Variants in DPH6 observed in about 807,000 individuals in gnomAD.
DPH6 encodes diphthamine biosynthesis 6, also known as diphthine--ammonia ligase.
DPH6 carries 33 observed loss-of-function variants against 38.2 expected under a neutral mutation model. The ratio of observed to expected loss-of-function variants is 0.86; its 90% confidence interval spans 0.65 to 1.15. The LOEUF (loss-of-function observed/expected upper bound fraction) is 1.15. DPH6 is among the 50% of genes most tolerant of loss of function. The pLI, the probability that DPH6 is intolerant of heterozygous loss-of-function variation, is 0.00. For missense variants in DPH6, 325 were observed against 320.0 expected (o/e 1.02, Z -0.12); for synonymous variants, 108 against 103.0 (o/e 1.05, Z -0.30).
the DPH6 span, among the ~76,000 whole-genome samples, chr15:35,189,804 T>A: frequency 6.6e-6 from 1 of 152,244 alleles, no homozygotes; most frequent in African/African-American, 2.4e-5. Flanking sequence ...TGGTTGAGAC[T>A]TAAATATCCT....
the DPH6 span, among the ~76,000 whole-genome samples, chr15:35,180,031 C>T: frequency 2.6e-5 from 4 of 152,276 alleles, no homozygotes; most frequent in Admixed American, 2.6e-4. Flanking sequence ...AAAAGCAAGG[C>T]TCTCTCTGGG....
chr15:35,518,278 A>G (rs1425592539), intron 3 of DPH6, among the ~76,000 whole-genome samples: 1 of 152,060 alleles, frequency 6.6e-6, no homozygotes, highest in East Asian at 1.9e-4. Context: ...GAGGGACTCT[A>G]GGTCCCCATC....
chr15:35,362,972 C>T (rs1186141392), intron 3 of DPH6, among the ~76,000 whole-genome samples: 1 of 152,156 alleles, frequency 6.6e-6, no homozygotes, highest in Admixed American at 6.5e-5. Flanking sequence ...TTTTTTATTA[C>T]TGATTTTTAG....
chr15:35,224,105 T>TTG (rs1168519837), intron 3 of DPH6, among the ~76,000 whole-genome samples: 51 of 129,114 alleles, frequency 4.0e-4, no homozygotes, highest in Non-Finnish European at 6.6e-4. Context: ...TTTTAGTTTT[T>TTG]TTTTTTTTTT....
intron 3 of DPH6, chr15:35,237,284 T>G: frequency 6.5e-7 from 1 of 1,535,868 alleles, no homozygotes; most frequent in African/African-American, 1.4e-5. Context: ...TGTTATTGAT[T>G]GAATTCCAGC....
At chr15:35,239,591 C>G (rs2051582597) in intron 3 of DPH6, among the ~76,000 whole-genome samples, 1 of 142,376 alleles carries the variant, frequency 7.0e-6, no homozygotes, top group Non-Finnish European at 1.5e-5. Context: ...CTCTGCCTTT[C>G]CTGGGGCGGG....
At chr15:35,415,632 T>C (rs1265444226) in intron 5 of DPH6, among the ~76,000 whole-genome samples, 10 of 151,986 alleles carry the variant, frequency 6.6e-5, no homozygotes, top group South Asian at 6.2e-4. Flanking sequence ...TAAAACACAC[T>C]GGGCACACTT....
At chr15:35,319,488 C>A (rs1220324350) in intron 3 of DPH6, among the ~76,000 whole-genome samples, 4 of 152,092 alleles carry the variant, frequency 2.6e-5, no homozygotes, top group Non-Finnish European at 5.9e-5. Context: ...TGCCTGTAAT[C>A]CCAGCACTTC....
intron 3 of DPH6, among the ~76,000 whole-genome samples, chr15:35,477,589 C>G (rs143163608): frequency 6.8e-4 from 104 of 151,906 alleles, no homozygotes; most frequent in African/African-American, 2.4e-3. Context: ...TAAAAACCTA[C>G]AGTACCCAGT....
At chr15:35,382,394 C>T (rs2052882192) in intron 6 of DPH6, among the ~76,000 whole-genome samples, 1 of 151,910 alleles carries the variant, frequency 6.6e-6, no homozygotes, top group African/African-American at 2.4e-5. Context: ...TGCAGTGAGC[C>T]GAGATCAGCC....
intron 3 of DPH6, among the ~76,000 whole-genome samples, chr15:35,360,771 T>C (rs975204656): frequency 4.0e-5 from 6 of 151,768 alleles, no homozygotes; most frequent in Non-Finnish European, 7.4e-5. Flanking sequence ...CATAGATGGG[T>C]GTGTCTCCCA....
the DPH6 span, among the ~76,000 whole-genome samples, chr15:35,168,715 T>C: frequency 6.6e-6 from 1 of 152,072 alleles, no homozygotes; most frequent in Non-Finnish European, 1.5e-5. Context: ...CAGAGAATAA[T>C]ATGAGACCGT....
At chr15:35,314,074 A>C (rs1277514156) in intron 3 of DPH6, among the ~76,000 whole-genome samples, 3 of 151,938 alleles carry the variant, frequency 2.0e-5, no homozygotes, top group African/African-American at 7.3e-5. Flanking sequence ...GCCAGAATAT[A>C]TAAGGAGCTC....
At chr15:35,515,497 G>A (rs1280925605) in intron 3 of DPH6, among the ~76,000 whole-genome samples, 2 of 151,876 alleles carry the variant, frequency 1.3e-5, no homozygotes, top group African/African-American at 4.8e-5. Context: ...CGAGGTGGGT[G>A]GATCACAAGG....
At chr15:35,317,275 AAGAG>A (rs374065713) in intron 3 of DPH6, among the ~76,000 whole-genome samples, 1 of 84,196 alleles carries the variant, frequency 1.2e-5, no homozygotes, top group Non-Finnish European at 2.5e-5. Context: ...GAAAGAAAGA[AAGAG>A]AGAGAGAGAG....
chr15:35,453,884 A>C (rs2053965505), intron 4 of DPH6, among the ~76,000 whole-genome samples: 1 of 152,088 alleles, frequency 6.6e-6, no homozygotes, highest in Admixed American at 6.5e-5. Context: ...AGAATATAAA[A>C]ATATTATATA....
chr15:35,367,149 A>G (rs540968889), downstream of DPH6, among the ~76,000 whole-genome samples: 259 of 151,898 alleles, frequency 1.7e-3, 1 homozygote, highest in African/African-American at 6.1e-3. Flanking sequence ...TTGTCCCAGG[A>G]AATTATTTCA....
At chr15:35,417,513 AT>A (rs66945637) in intron 5 of DPH6, among the ~76,000 whole-genome samples, 46,436 of 151,792 alleles carry the variant, frequency 0.31, 7,824 homozygotes, top group African/African-American at 0.45. Flanking sequence ...AGAGAGAAAC[AT>A]TTTAAAAAAA....
chr15:35,214,117 A>G (rs2051401382), downstream of DPH6, among the ~76,000 whole-genome samples: 1 of 152,092 alleles, frequency 6.6e-6, no homozygotes. Context: ...GTCTCAAAAA[A>G]AAAAAAAAAA....
Sources: gnomAD v4.1 joint callset for allele counts (sites outside exome capture counted in the v4.1 genomes callset) on GRCh38, gnomAD v4.1.1 for gene constraint, MANE v1.5 for transcripts, NCBI Gene and HGNC (gene_info 2026-07-23, HGNC 2026-07-21) for gene names.